PECR: variants seen among roughly 807,000 people sequenced by gnomAD.
PECR encodes the protein peroxisomal trans-2-enoyl-CoA reductase.
A neutral mutation model predicts 35.3 loss-of-function variants in PECR; 30 were observed. The ratio of observed to expected loss-of-function variants is 0.85; its 90% CI spans 0.64 to 1.15. PECR has a LOEUF of 1.15. Among genes scored for constraint, PECR ranks in the 50% most tolerant of loss-of-function variants. PECR has a pLI of 0.00. For missense variants in PECR, 392 were observed against 370.8 expected, an observed-to-expected ratio of 1.06 and a Z score of -0.47; for synonymous variants, 148 against 138.9, an observed-to-expected ratio of 1.07 and a Z score of -0.46.
intron 7 of PECR, among the ~76,000 whole-genome samples, chr2:216,029,435 G>A (rs967877652): frequency 2.0e-5 from 3 of 151,454 alleles, no homozygotes; most frequent in East Asian, 3.9e-4. Context: ...CTGAGATCAC[G>A]CCACTGCACT....
At chr2:216,058,700 AGTCCGC>A (rs1695276938) in intron 4 of PECR, among the ~76,000 whole-genome samples, 189 bp downstream of exon 4, 1 of 152,206 alleles carries the variant, frequency 6.6e-6, no homozygotes, top group African/African-American at 2.4e-5. Context: ...TAAATCTGGC[AGTCCGC>A]ATCTGGATGA....
At chr2:216,075,606 C>T (rs1559219999) in intron 1 of PECR, among the ~76,000 whole-genome samples, 1 of 152,090 alleles carries the variant, frequency 6.6e-6, no homozygotes, top group African/African-American at 2.4e-5. Flanking sequence ...TTATATGTAG[C>T]TAGAGAGATG....
chr2:216,058,911 C>A lies in PECR; in HGVS notation c.490G>T (p.Gly164Ter). ...IVNIIVPTKA[G>*]FPLAVHSGAA... ...AACGCTTACACAGCTAATGGAAATCCAGCTTTAGTAGGGACAATGATATTG... is the reference window on the plus strand; with the variant it reads ...AACGCTTACACAGCTAATGGAAATCAAGCTTTAGTAGGGACAATGATATTG... The change falls in exon 4 of 8, where the codon GGA becomes TGA. Residue 164 changes from glycine to a stop codon, truncating the protein, a stop_gained. Transcript: ENST00000265322. LOFTEE classifies it high-confidence loss of function. The A allele has an allele frequency of 1.9e-6, 3 of 1,601,104 alleles. No individual in the cohort carries two copies. Among genetic ancestry groups the A allele is most frequent in the Non-Finnish European group, 2.6e-6 (3 of 1,168,298 alleles).
intron 1 of PECR, among the ~76,000 whole-genome samples, chr2:216,072,038 T>C (rs990938817): frequency 1.1e-4 from 17 of 152,346 alleles, no homozygotes; most frequent in South Asian, 2.1e-4. Context: ...TTCTTTTACA[T>C]ATATATTTTA....
At chr2:216,069,829 C>A (rs1016939810) in intron 1 of PECR, among the ~76,000 whole-genome samples, 2 of 151,052 alleles carry the variant, frequency 1.3e-5, no homozygotes, top group African/African-American at 4.9e-5. Context: ...CCAGCTACTC[C>A]GGAGGCTGAG....
intron 3 of PECR, among the ~76,000 whole-genome samples, chr2:216,061,376 G>A (rs1467501629): frequency 7.3e-6 from 1 of 136,700 alleles, no homozygotes; most frequent in African/African-American, 2.7e-5. Context: ...AAGTACATAG[G>A]AAAACAGTAT....
chr2:216,049,929 T>C (rs1181117265), intron 5 of PECR, among the ~76,000 whole-genome samples: 1 of 152,204 alleles, frequency 6.6e-6, no homozygotes, highest in African/African-American at 2.4e-5. Context: ...TCAAAAACTG[T>C]ATCCCAGGCC....
At chr2:216,043,545 G>GAT (rs1424163564) in intron 7 of PECR, among the ~76,000 whole-genome samples, 1 of 152,066 alleles carries the variant, frequency 6.6e-6, no homozygotes, top group African/African-American at 2.4e-5. Context: ...CTTCTGCTCA[G>GAT]ATATGTAAGC....
chr2:216,064,290 G>C (rs1030189126), intron 3 of PECR: 2 of 152,166 alleles, frequency 1.3e-5, no homozygotes, highest in African/African-American at 4.8e-5. Flanking sequence ...CTATTTCCCA[G>C]TTTCTTTTAC....
chr2:216,044,867 G>C (rs1431281609), intron 6 of PECR, among the ~76,000 whole-genome samples: 1 of 152,166 alleles, frequency 6.6e-6, no homozygotes, highest in African/African-American at 2.4e-5. Context: ...GGAAGAAGCA[G>C]AGTTTCTCAA....
chr2:216,072,963 C>A (rs1388406022), intron 1 of PECR, among the ~76,000 whole-genome samples: 2 of 152,004 alleles, frequency 1.3e-5, no homozygotes, highest in African/African-American at 2.4e-5. Flanking sequence ...AGAGCTTGTA[C>A]AAAATAAGAC....
chr2:216,035,311 A>C (rs1306500852), downstream of PECR, among the ~76,000 whole-genome samples: 1 of 152,126 alleles, frequency 6.6e-6, no homozygotes, highest in East Asian at 1.9e-4. Flanking sequence ...GTTTTGCATC[A>C]GAGGCCTCTG....
chr2:216,046,276 G>GTA (rs35571817), intron 6 of PECR, among the ~76,000 whole-genome samples: 40 of 106,680 alleles, frequency 3.7e-4, no homozygotes, highest in Middle Eastern at 0.012. Flanking sequence ...ACCACATAAA[G>GTA]TATATATATA....
intron 1 of PECR, among the ~76,000 whole-genome samples, chr2:216,073,735 T>C (rs1228340638): frequency 6.6e-6 from 1 of 152,204 alleles, no homozygotes; most frequent in Non-Finnish European, 1.5e-5. Flanking sequence ...TGTGTTACTA[T>C]TTCCTGCAGC....
intron 4 of PECR, among the ~76,000 whole-genome samples, chr2:216,055,114 A>C (rs1374187540): frequency 1.5e-5 from 2 of 132,184 alleles, no homozygotes; most frequent in African/African-American, 5.9e-5. Context: ...TGTGTCTTAC[A>C]AAAAAAAAAA....
chr2:216,058,376 G>A (rs1056440329), intron 4 of PECR, among the ~76,000 whole-genome samples: 2 of 152,232 alleles, frequency 1.3e-5, no homozygotes, highest in African/African-American at 4.8e-5. Flanking sequence ...TTGCATAAAG[G>A]AGGCATGCTG....
Position 216,075,170 on chromosome 2 carries a change from A to G in PECR, c.124+6448T>C, listed in dbSNP as rs187983241. ...TATAGTTTAGATACTTGGGAGGTTG[A>G]GGCAGGAGAATCATTTCAGACAGGA... On this transcript the variant is annotated intron_variant, in intron 1 of 7. Transcript: ENST00000265322. Among the ~76,000 whole-genome samples, 4 of 152,252 alleles carry G rather than the reference A, an allele frequency of 2.6e-5. No individual in the cohort carries two copies. The East Asian group carries it at 7.7e-4, about 29-fold the overall frequency.
chr2:216,064,515 G>A (rs1469972080), intron 3 of PECR, among the ~76,000 whole-genome samples: 1 of 152,172 alleles, frequency 6.6e-6, no homozygotes, highest in African/African-American at 2.4e-5. Flanking sequence ...GCAATAAGAA[G>A]GATCTTCAGT....
At chr2:216,060,360 G>A (rs932074086) in intron 3 of PECR, among the ~76,000 whole-genome samples, 1 of 151,968 alleles carries the variant, frequency 6.6e-6, no homozygotes, top group Non-Finnish European at 1.5e-5. Flanking sequence ...CCCAAATCTC[G>A]CCTTCTAAAA....
Sources: allele counts gnomAD v4.1 joint callset (sites outside exome capture counted in the v4.1 genomes callset), GRCh38; gene constraint gnomAD v4.1.1; transcripts MANE v1.5; gene names NCBI Gene and HGNC (gene_info 2026-07-23, HGNC 2026-07-21).